Variants in SUMF1 observed in about 807,000 individuals in gnomAD.
SUMF1 encodes formylglycine-generating enzyme.
In SUMF1, 48 loss-of-function variants were observed where a neutral mutation model predicts 47.6. The observed-to-expected ratio is 1.01, with a 90% confidence interval of 0.80 to 1.28. The LOEUF (loss-of-function observed/expected upper bound fraction) is 1.28, where lower values mean the gene tolerates loss of function less well. Ranked by LOEUF, SUMF1 falls within the 50% of genes most tolerant of loss-of-function variation. SUMF1 has a pLI of 0.00. For missense variants in SUMF1, 571 were observed against 485.4 expected (o/e 1.18, Z -1.66); for synonymous variants, 230 against 192.1 (o/e 1.20, Z -1.63).
chr3:4,077,147 C>G (rs1243820), intron 8 of SUMF1, among the ~76,000 whole-genome samples: 36,572 of 151,994 alleles, frequency 0.24, 5,217 homozygotes, highest in Middle Eastern at 0.31. Context: ...GTTAAAAAGT[C>G]AGGAAACAAC....
At chr3:4,242,787 T>C in intron 8 of SUMF1, among the ~76,000 whole-genome samples, 1 of 152,222 alleles carries the variant, frequency 6.6e-6, no homozygotes, top group East Asian at 1.9e-4. Context: ...GTTGGCCTTA[T>C]AAAATGAGTT....
intron 7 of SUMF1, among the ~76,000 whole-genome samples, chr3:4,410,298 C>G (rs1252241188): frequency 2.0e-5 from 3 of 152,142 alleles, no homozygotes; most frequent in Non-Finnish European, 4.4e-5. Flanking sequence ...ATAAGTAAAA[C>G]TTGGACAAAC....
chr3:4,463,734 G>C (rs2125175942), intron 1 of SUMF1, among the ~76,000 whole-genome samples: 1 of 152,256 alleles, frequency 6.6e-6, no homozygotes, highest in South Asian at 2.1e-4. Flanking sequence ...CATATGTACA[G>C]ACATGCCACC....
At chr3:4,419,054 C>A (rs1701809361) in intron 4 of SUMF1, among the ~76,000 whole-genome samples, 1 of 152,196 alleles carries the variant, frequency 6.6e-6, no homozygotes, top group African/African-American at 2.4e-5. Flanking sequence ...TCACTGTTTC[C>A]AGCACAGACA....
At chr3:4,078,609 C>G (rs1166138874) in intron 8 of SUMF1, among the ~76,000 whole-genome samples, 2 of 151,986 alleles carry the variant, frequency 1.3e-5, no homozygotes, top group Admixed American at 6.6e-5. Context: ...ATCCATGTAA[C>G]AGGCCCAGTG....
chr3:4,465,343 C>T (rs942558377), intron 1 of SUMF1, among the ~76,000 whole-genome samples: 9 of 152,020 alleles, frequency 5.9e-5, no homozygotes, highest in Non-Finnish European at 1.2e-4. Flanking sequence ...GGTATGGTGG[C>T]GTGTGCCTGT....
At chr3:4,167,622 T>C (rs1694738503) in intron 8 of SUMF1, among the ~76,000 whole-genome samples, 1 of 152,140 alleles carries the variant, frequency 6.6e-6, no homozygotes, top group Admixed American at 6.5e-5. Context: ...ACAATCCCCT[T>C]GTAAGACAGA....
intron 8 of SUMF1, among the ~76,000 whole-genome samples, chr3:4,219,177 A>T (rs981658792): frequency 3.3e-5 from 5 of 152,210 alleles, no homozygotes; most frequent in African/African-American, 1.2e-4. Flanking sequence ...CAAAGATGAA[A>T]AGAAGAGAGG....
At chr3:4,409,982 CT>C (rs1701491366) in intron 7 of SUMF1, among the ~76,000 whole-genome samples, 1 of 152,094 alleles carries the variant, frequency 6.6e-6, no homozygotes, top group African/African-American at 2.4e-5. Flanking sequence ...CCCTTTGAGC[CT>C]TTTCAAAAAG....
chr3:4,337,390 CT>C (rs903379233), intron 8 of SUMF1, among the ~76,000 whole-genome samples: 5 of 152,114 alleles, frequency 3.3e-5, no homozygotes, highest in African/African-American at 9.7e-5. Context: ...TGCTACACCC[CT>C]GGGAAAACAC....
chr3:4,079,748 C>G (rs1315344532), intron 8 of SUMF1, among the ~76,000 whole-genome samples: 2 of 149,954 alleles, frequency 1.3e-5, no homozygotes, highest in African/African-American at 4.9e-5. Context: ...AGCAACTTGT[C>G]GTATCTGGCA....
At chr3:4,077,162 G>A (rs1477887503) in intron 8 of SUMF1, among the ~76,000 whole-genome samples, 5 of 152,244 alleles carry the variant, frequency 3.3e-5, no homozygotes, top group African/African-American at 7.2e-5. Flanking sequence ...AACAACAGAC[G>A]CTGGAGAGGA....
intron 8 of SUMF1, among the ~76,000 whole-genome samples, chr3:4,369,883 G>C (rs977453141): frequency 1.3e-5 from 2 of 152,158 alleles, no homozygotes; most frequent in African/African-American, 4.8e-5. Context: ...GCCAGAGCCT[G>C]ATCATATCAG....
chr3:4,456,706 G>GTATA (rs763865030), intron 1 of SUMF1, among the ~76,000 whole-genome samples: 6 of 113,648 alleles, frequency 5.3e-5, no homozygotes, highest in Non-Finnish European at 7.1e-5. Context: ...ATATATATAC[G>GTATA]TATATATATA....
intron 9 of SUMF1, among the ~76,000 whole-genome samples, chr3:4,037,954 A>G (rs1270757017): frequency 6.6e-6 from 1 of 152,018 alleles, no homozygotes; most frequent in Non-Finnish European, 1.5e-5. Flanking sequence ...GAAGCTTTGG[A>G]GTATGATCCA....
At chr3:4,167,106 G>A (rs1313963977) in intron 8 of SUMF1, among the ~76,000 whole-genome samples, 1 of 152,068 alleles carries the variant, frequency 6.6e-6, no homozygotes, top group Non-Finnish European at 1.5e-5. Flanking sequence ...CCTTCTGGTG[G>A]GTTCATGATC....
At chr3:4,326,551 T>C (rs2125123138) in intron 8 of SUMF1, among the ~76,000 whole-genome samples, 1 of 130,220 alleles carries the variant, frequency 7.7e-6, no homozygotes, top group East Asian at 2.0e-4. Flanking sequence ...AGATCCTCAC[T>C]CTGTTGCCCA....
At chr3:4,456,648 A>ATGTG (rs1315366535) in intron 1 of SUMF1, among the ~76,000 whole-genome samples, 10 of 143,582 alleles carry the variant, frequency 7.0e-5, no homozygotes, top group African/African-American at 2.6e-4. Flanking sequence ...GTATATATAT[A>ATGTG]TATGTGTGTG....
At chr3:4,246,202 T>A (rs1332783172) in intron 8 of SUMF1, among the ~76,000 whole-genome samples, 1 of 152,150 alleles carries the variant, frequency 6.6e-6, no homozygotes, top group African/African-American at 2.4e-5. Context: ...AATCCTCTGA[T>A]CCCTTGTGCT....
Sources: gnomAD v4.1 joint callset for allele counts (sites outside exome capture counted in the v4.1 genomes callset) on GRCh38, gnomAD v4.1.1 for gene constraint, MANE v1.5 for transcripts, NCBI Gene and HGNC (gene_info 2026-07-23, HGNC 2026-07-21) for gene names.